Variants in DIPK1A observed in about 807,000 individuals in gnomAD.
DIPK1A encodes divergent protein kinase domain 1A, also known as family with sequence similarity 69 member A.
A neutral mutation model predicts 40.8 loss-of-function variants in DIPK1A; 27 were observed. The observed-to-expected ratio is 0.66, with a 90% CI of 0.49 to 0.91. The LOEUF is 0.91. Among genes scored for constraint, DIPK1A ranks in the 40% least tolerant of loss-of-function variants. DIPK1A has a pLI of 0.00. For synonymous variants in DIPK1A, 166 were observed against 171.3 expected (o/e 0.97, Z 0.24); for missense variants, 412 against 505.7 (o/e 0.81, Z 1.78).
intron 1 of DIPK1A, among the ~76,000 whole-genome samples, chr1:92,925,255 A>G (rs1650443656): frequency 1.3e-5 from 2 of 152,280 alleles, no homozygotes; most frequent in Middle Eastern, 3.4e-3. Context: ...TTAACTTTTC[A>G]TAATGTCTTT....
chr1:92,838,939 A>G (rs1418610371), downstream of DIPK1A, among the ~76,000 whole-genome samples: 1 of 151,824 alleles, frequency 6.6e-6, no homozygotes, highest in Non-Finnish European at 1.5e-5. Flanking sequence ...TAGTAATCAC[A>G]TCTCCACATT....
At chr1:92,959,347 G>A (rs1255725138) in intron 1 of DIPK1A, among the ~76,000 whole-genome samples, 3 of 151,818 alleles carry the variant, frequency 2.0e-5, no homozygotes, top group African/African-American at 7.3e-5. Context: ...AGTGGGGGAG[G>A]TGAAATGAAA....
At chr1:92,928,834 T>C (rs1340482097) in intron 1 of DIPK1A, among the ~76,000 whole-genome samples, 1 of 152,098 alleles carries the variant, frequency 6.6e-6, no homozygotes, top group African/African-American at 2.4e-5. Flanking sequence ...TGGTGGTGCA[T>C]GCTTGTAATC....
rs577554393 is a variant in DIPK1A at position 92,890,823 on chromosome 1, G to C, written c.55-14393C>G. Among the ~76,000 whole-genome samples the C allele has an allele frequency of 2.0e-5, 3 of 152,222 alleles. No homozygotes were observed. In the South Asian group the frequency reaches 6.2e-4, roughly 31 times the overall value. On this transcript the variant is annotated intron_variant, in intron 1 of 4. Transcript: ENST00000370310. ...TGGTTTTGGTATTGAAGTAACACTG[G>C]CATTATAGAATAAGTTGGAAGAATG...
At position 92,843,472 on chromosome 1, in the gene DIPK1A, C is replaced by G. The variant is rs1021255974; in HGVS notation, c.1198G>C (p.Ala400Pro). 4.5e-6 allele frequency: 7 copies of G among 1,551,352 alleles called. No homozygotes were observed. The highest frequency in any genetic ancestry group is 3.9e-5 in the Admixed American group (2 of 50,984). ...GAATGTTCCATTTCCATTTGATTTG[C>G]TGTGACTTTGAGAGCAATACAAGAA... is the stretch of plus-strand genomic sequence containing the variant. The part of the protein sequence containing the change: ...LYSCIALKVT[A>P]NQMEMEHSLI... The change falls in exon 5 of 5, where the codon GCA becomes CCA. Residue 400 changes from alanine to proline, a missense_variant. Coordinates refer to ENST00000370310, the MANE Select transcript of DIPK1A (RefSeq NM_001006605.5).
At chr1:92,866,392 G>A (rs760257892) in intron 2 of DIPK1A, among the ~76,000 whole-genome samples, 1 of 152,168 alleles carries the variant, frequency 6.6e-6, no homozygotes, top group Non-Finnish European at 1.5e-5. Flanking sequence ...ATGAGCCACC[G>A]CACCTGGCCT....
intron 1 of DIPK1A, among the ~76,000 whole-genome samples, chr1:92,917,094 A>G (rs1650083875): frequency 6.6e-6 from 1 of 152,206 alleles, no homozygotes; most frequent in Non-Finnish European, 1.5e-5. Flanking sequence ...TGTTGTTAAC[A>G]TAGTTTTTAT....
chr1:92,911,313 T>A, intron 1 of DIPK1A, among the ~76,000 whole-genome samples: 1 of 152,172 alleles, frequency 6.6e-6, no homozygotes, highest in East Asian at 1.9e-4. Flanking sequence ...TGGGAACACA[T>A]CTAGAAGGTA....
intron 2 of DIPK1A, among the ~76,000 whole-genome samples, chr1:92,859,353 C>A (rs751589099): frequency 3.3e-5 from 5 of 152,094 alleles, no homozygotes; most frequent in Non-Finnish European, 5.9e-5. Flanking sequence ...ACTTCATGTT[C>A]GCGTTCTCAT....
chr1:92,847,427 AT>A, intron 3 of DIPK1A, 68 bp from the exon 4 acceptor site: 3 of 1,015,194 alleles, frequency 3.0e-6, no homozygotes, highest in Non-Finnish European at 4.1e-6. Flanking sequence ...ATACTACTAT[AT>A]TTTTAGGGTC....
At position 92,959,902 on chromosome 1, in the gene DIPK1A, A is replaced by ATTTTTTTTTTTTTTTTTTTTTTTTT. The variant is rs1557502636; in HGVS notation, c.54+1473_54+1474insAAAAAAAAAAAAAAAAAAAAAAAAA. Among the ~76,000 whole-genome samples the ATTTTTTTTTTTTTTTTTTTTTTTTT allele has an allele frequency of 5.1e-3, 219 of 43,094 alleles. 22 individuals are homozygous for ATTTTTTTTTTTTTTTTTTTTTTTTT. Among genetic ancestry groups the ATTTTTTTTTTTTTTTTTTTTTTTTT allele is most frequent in the Middle Eastern group, 0.038 (3 of 78 alleles). 28.3% of individuals were successfully genotyped at this position (43,094 alleles called of 152,430 possible). A position where few individuals can be genotyped will look rare whatever the true frequency, so the allele number is the denominator to read the frequency against. ...AGCTGGGACCACAGGCACCCAACCA[A>ATTTTTTTTTTTTTTTTTTTTTTTTT]CTTTTTTTTTTTTTTTTTTTTTTTT... On this transcript the variant is annotated intron_variant, in intron 1 of 4. Transcript: ENST00000370310.
intron 1 of DIPK1A, among the ~76,000 whole-genome samples, chr1:92,955,235 TAC>T (rs1651800628): frequency 2.0e-5 from 3 of 152,188 alleles, no homozygotes; most frequent in South Asian, 4.1e-4. Context: ...GCAGTGAAAC[TAC>T]ACTCTATACA....
chr1:92,916,456 C>T (rs1650058878), intron 1 of DIPK1A, among the ~76,000 whole-genome samples: 1 of 151,958 alleles, frequency 6.6e-6, no homozygotes, highest in African/African-American at 2.4e-5. Context: ...TGCCCGCCCC[C>T]ATGCCCAGCT....
rs144582343 is a variant in DIPK1A at position 92,929,247 on chromosome 1, T to C, written c.54+32129A>G. Among the ~76,000 whole-genome samples, 264 of 152,378 alleles carry C rather than the reference T, an allele frequency of 1.7e-3. 1 individual carries two copies. The highest frequency in any genetic ancestry group is 6.2e-3 in the African/African-American group (257 of 41,588). On this transcript the variant is annotated intron_variant, in intron 1 of 4. Coordinates refer to ENST00000370310, the MANE Select transcript of DIPK1A (RefSeq NM_001006605.5). ...AATATGTTGTCATGACTCTAGATTC[T>C]GTAACATTCCTCTGAAGATGGATCT...
intron 1 of DIPK1A, among the ~76,000 whole-genome samples, chr1:92,925,789 A>T (rs4561051): frequency 6.6e-5 from 10 of 152,022 alleles, no homozygotes; most frequent in African/African-American, 2.2e-4. Context: ...CCACCGTGCC[A>T]GGCCAAGACT....
intron 1 of DIPK1A, among the ~76,000 whole-genome samples, chr1:92,948,382 C>T (rs1228444521): frequency 6.6e-6 from 1 of 151,808 alleles, no homozygotes; most frequent in African/African-American, 2.4e-5. Context: ...CATTGTACCC[C>T]ATAAATATGT....
At chr1:92,926,028 T>C (rs749242273) in intron 1 of DIPK1A, among the ~76,000 whole-genome samples, 24 of 152,278 alleles carry the variant, frequency 1.6e-4, no homozygotes, top group Non-Finnish European at 2.5e-4. Flanking sequence ...AAAAATCCAT[T>C]TTGGTTTTGT....
chr1:92,838,556 TTGGCTAATGTATTTTTCTAGC>T (rs1172599959), downstream of DIPK1A, among the ~76,000 whole-genome samples: 1 of 152,240 alleles, frequency 6.6e-6, no homozygotes, highest in Non-Finnish European at 1.5e-5. Flanking sequence ...AGACTACTTT[TTGGCTAATGTATTTTTCTAGC>T]TGGCTCATTA....
intron 4 of DIPK1A, among the ~76,000 whole-genome samples, chr1:92,846,792 C>CATTATATATATATAT (rs1354830275): frequency 6.2e-5 from 1 of 16,048 alleles, no homozygotes; most frequent in Non-Finnish European, 1.2e-4. Flanking sequence ...CCACTCCTGG[C>CATTATATATATATAT]ATATATATAT....
Sources: gnomAD v4.1 joint callset for allele counts (sites outside exome capture counted in the v4.1 genomes callset) on GRCh38, gnomAD v4.1.1 for gene constraint, MANE v1.5 for transcripts, NCBI Gene and HGNC (gene_info 2026-07-23, HGNC 2026-07-21) for gene names.